The following BNC2 variants were observed in gnomAD, a reference collection of about 807,000 sequenced individuals.
BNC2 encodes zinc finger protein basonuclin-2.
Under a neutral mutation model 76.3 loss-of-function variants are expected in BNC2, and 20 were observed. That is an observed-to-expected ratio of 0.26 (90% CI 0.18 to 0.38). BNC2 has a LOEUF of 0.38. Ranked by LOEUF, BNC2 falls within the 10% of genes least tolerant of loss-of-function variation. The pLI is 1.00. For synonymous variants in BNC2, 582 were observed against 514.8 expected, an observed-to-expected ratio of 1.13 and a Z score of -1.77; for missense variants, 1,382 against 1,399.8, an observed-to-expected ratio of 0.99 and a Z score of 0.20.
At chr9:16,655,013 G>A (rs1356201858) in intron 3 of BNC2, among the ~76,000 whole-genome samples, 2 of 151,910 alleles carry the variant, frequency 1.3e-5, no homozygotes, top group Non-Finnish European at 2.9e-5. Context: ...AGAAATGATA[G>A]ATCAATAACT....
chr9:16,470,300 A>G (rs2131362090), intron 5 of BNC2, among the ~76,000 whole-genome samples: 1 of 152,232 alleles, frequency 6.6e-6, no homozygotes, highest in African/African-American at 2.4e-5. Flanking sequence ...CCCAGCCGGC[A>G]TTCAGTTTTA....
chr9:16,747,828 A>G (rs1825055743), intron 1 of BNC2, among the ~76,000 whole-genome samples: 3 of 152,350 alleles, frequency 2.0e-5, no homozygotes, highest in African/African-American at 7.2e-5. Flanking sequence ...TTGACTTGGC[A>G]TGGGAAAGAG....
chr9:16,809,351 A>AT (rs920685686), intron 1 of BNC2, among the ~76,000 whole-genome samples: 13 of 151,228 alleles, frequency 8.6e-5, no homozygotes, highest in East Asian at 2.0e-4. Flanking sequence ...AGAAAGCTCA[A>AT]TTTTTTTTTA....
chr9:16,828,745 T>C (rs1818509283), intron 1 of BNC2, among the ~76,000 whole-genome samples: 1 of 152,182 alleles, frequency 6.6e-6, no homozygotes, highest in Non-Finnish European at 1.5e-5. Context: ...TTTGTCCCCC[T>C]GGTTAGCTCC....
chr9:16,435,548 T>C lies in BNC2; in HGVS notation c.2639+7A>G. 6.2e-7 allele frequency: 1 copy of C among 1,613,546 alleles called. No individual in the cohort carries two copies. The highest frequency in any genetic ancestry group is 1.3e-5 in the African/African-American group (1 of 75,014). ...CCAGCAGGAGCAGCCAATGGAGATT[T>C]ACTGACCTGTCTCGGCTTCGGCGAG... On this transcript the variant is annotated splice_region_variant and intron_variant, in intron 6 of 6. Transcript: ENST00000380672.
chr9:16,576,826 C>T (rs1381529668), intron 4 of BNC2, among the ~76,000 whole-genome samples: 2 of 152,226 alleles, frequency 1.3e-5, no homozygotes, highest in African/African-American at 4.8e-5. Context: ...CAACCTCCAC[C>T]TCCTGGGTTT....
At chr9:16,683,677 T>A (rs554035356) in intron 3 of BNC2, among the ~76,000 whole-genome samples, 1 of 152,226 alleles carries the variant, frequency 6.6e-6, no homozygotes, top group Admixed American at 6.5e-5. Context: ...CTGAAATAGA[T>A]AGCTGGTGAA....
At chr9:16,626,137 T>C (rs1820987247) in intron 3 of BNC2, 1 of 152,174 alleles carries the variant, frequency 6.6e-6, no homozygotes, top group African/African-American at 2.4e-5. Flanking sequence ...CTGAAAATTG[T>C]CTTGTAATGT....
intron 1 of BNC2, among the ~76,000 whole-genome samples, chr9:16,796,607 GAAGGGA>G (rs1288007244): frequency 4.0e-5 from 6 of 148,440 alleles, no homozygotes; most frequent in African/African-American, 1.0e-4. Flanking sequence ...GAAGGGAAGG[GAAGGGA>G]AAGGGAAAGG....
chr9:16,648,945 A>G (rs990142643), intron 3 of BNC2, among the ~76,000 whole-genome samples: 2 of 152,252 alleles, frequency 1.3e-5, no homozygotes, highest in South Asian at 4.1e-4. Flanking sequence ...AATCACTTTG[A>G]GTTAAAACCA....
intron 1 of BNC2, among the ~76,000 whole-genome samples, chr9:16,738,708 T>C (rs1293479624): frequency 6.6e-6 from 1 of 152,170 alleles, no homozygotes; most frequent in Non-Finnish European, 1.5e-5. Flanking sequence ...AATTTGCTGA[T>C]TGATAATGGA....
At chr9:16,493,587 G>T (rs1338019445) in intron 5 of BNC2, among the ~76,000 whole-genome samples, 1 of 152,144 alleles carries the variant, frequency 6.6e-6, no homozygotes, top group Non-Finnish European at 1.5e-5. Context: ...AAACATTTAA[G>T]ACATGCCTAT....
At chr9:16,795,535 G>C (rs891704813) in intron 1 of BNC2, among the ~76,000 whole-genome samples, 2 of 152,074 alleles carry the variant, frequency 1.3e-5, no homozygotes, top group African/African-American at 4.8e-5. Flanking sequence ...CCCTAGCTCA[G>C]CCCATGTCCT....
intron 3 of BNC2, among the ~76,000 whole-genome samples, chr9:16,666,882 C>G (rs1016838703): frequency 1.3e-5 from 2 of 151,990 alleles, no homozygotes; most frequent in Non-Finnish European, 2.9e-5. Flanking sequence ...TTTTGTTTGC[C>G]TGACATATTT....
chr9:16,557,862 T>G (rs558984563), intron 4 of BNC2, among the ~76,000 whole-genome samples: 103 of 151,778 alleles, frequency 6.8e-4, no homozygotes, highest in African/African-American at 2.4e-3. Flanking sequence ...TTTGTTGTTG[T>G]TTGTTTGTTT....
At chr9:16,832,430 C>A in intron 1 of BNC2, 1 of 480,616 alleles carries the variant, frequency 2.1e-6, no homozygotes, top group East Asian at 9.2e-5. Flanking sequence ...AACATAGCTA[C>A]AAGACTTGAT....
rs1231082021 is a variant in BNC2 at position 16,436,381 on chromosome 9, G to C, written c.1813C>G (p.Pro605Ala). Residue 605 changes from proline (P) to alanine (A), a missense_variant, in exon 6 of 7, where the codon CCC becomes GCC. Transcript: ENST00000380672. ...ACTACTGGCTCAGAGGGTGGCGGGG[G>C]GTGCTGCTCTATGGTACCACTGGTT... Reference protein sequence around the residue: ...IPTSGTIEQHPPPPSEPVVPA... With the variant: ...IPTSGTIEQHAPPPSEPVVPA... The C allele has an allele frequency of 1.2e-6, 2 of 1,614,040 alleles. No homozygotes were observed. Among genetic ancestry groups the C allele is most frequent in the Admixed American group, 3.3e-5 (2 of 59,996 alleles).
chr9:16,852,600 A>G (rs551358152), intron 1 of BNC2, among the ~76,000 whole-genome samples: 1 of 152,336 alleles, frequency 6.6e-6, no homozygotes, highest in Admixed American at 6.5e-5. Flanking sequence ...TGGTGGTGGG[A>G]AGATAAACTA....
At position 16,417,502 on chromosome 9, in the gene BNC2, A is replaced by C. The variant is rs1820610110; in HGVS notation, c.*1487T>G. On this transcript the variant is annotated 3_prime_UTR_variant, in exon 7 of 7. Coordinates refer to ENST00000380672, the MANE Select transcript of BNC2 (RefSeq NM_017637.6). Reference sequence around the variant, plus strand: ...TCAGAAAGGAGTGTTGCTCCATTCAAGTTTAGCACATGTTTTCAAAGCTTC... The same window carrying C: ...TCAGAAAGGAGTGTTGCTCCATTCACGTTTAGCACATGTTTTCAAAGCTTC... 1.3e-5 allele frequency: 2 copies of C among 152,130 alleles called. No homozygotes were observed. Among genetic ancestry groups the C allele is most frequent in the African/African-American group, 4.8e-5 (2 of 41,458 alleles). 9.4% of individuals were successfully genotyped at this position (152,130 alleles called of 1,614,324 possible). A position where few individuals can be genotyped will look rare whatever the true frequency, so the allele number is the denominator to read the frequency against.
Sources: gnomAD v4.1 joint callset for allele counts (sites outside exome capture counted in the v4.1 genomes callset) on GRCh38, gnomAD v4.1.1 for gene constraint, MANE v1.5 for transcripts, NCBI Gene and HGNC (gene_info 2026-07-23, HGNC 2026-07-21) for gene names.